PAPPA2: variants seen among roughly 807,000 people sequenced by gnomAD.
The protein encoded by PAPPA2 is pappalysin 2.
Under a neutral mutation model 176.4 loss-of-function variants are expected in PAPPA2, and 86 were observed. The observed-to-expected ratio is 0.49, with a 90% CI of 0.41 to 0.58. The LOEUF (loss-of-function observed/expected upper bound fraction) is 0.58. Ranked by LOEUF, PAPPA2 falls within the 20% of genes least tolerant of loss-of-function variation. PAPPA2 has a pLI of 0.00. For synonymous variants in PAPPA2, 809 were observed against 852.2 expected (o/e 0.95, Z 0.88); for missense variants, 2,073 against 2,256.9 (o/e 0.92, Z 1.65).
chr1:176,743,801 C>T (rs941353095), intron 14 of PAPPA2, among the ~76,000 whole-genome samples: 4 of 152,144 alleles, frequency 2.6e-5, no homozygotes, highest in East Asian at 1.9e-4. Context: ...TTTCTCCTAT[C>T]GAATTTTGTT....
At chr1:176,648,568 T>A (rs1274382411) in intron 3 of PAPPA2, among the ~76,000 whole-genome samples, 1 of 151,576 alleles carries the variant, frequency 6.6e-6, no homozygotes, top group African/African-American at 2.4e-5. Context: ...TAGCTGTGAG[T>A]TTATCATATA....
intron 1 of PAPPA2, among the ~76,000 whole-genome samples, chr1:176,522,630 T>C (rs1649273592): frequency 6.6e-6 from 1 of 152,068 alleles, no homozygotes; most frequent in Non-Finnish European, 1.5e-5. Context: ...CCCAGTGCTG[T>C]TCTCTCTCTC....
intron 1 of PAPPA2, among the ~76,000 whole-genome samples, chr1:176,467,431 G>A (rs1651677423): frequency 6.6e-6 from 1 of 152,336 alleles, no homozygotes; most frequent in South Asian, 2.1e-4. Context: ...ACAGAGAATA[G>A]CACTTGCCTT....
chr1:176,800,001 T>G (rs1665607094), intron 20 of PAPPA2, 60 bp from the exon 21 acceptor site: 1 of 1,578,180 alleles, frequency 6.3e-7, no homozygotes, highest in Admixed American at 1.7e-5. Flanking sequence ...GATTTGCCCC[T>G]TCTCACACAC....
intron 3 of PAPPA2, among the ~76,000 whole-genome samples, chr1:176,650,259 C>A (rs1342188876): frequency 1.3e-5 from 2 of 150,804 alleles, no homozygotes; most frequent in East Asian, 3.9e-4. Context: ...CTTTTCTTAC[C>A]CCTTCAGTTT....
At chr1:176,599,877 A>G (rs1207257710) in intron 3 of PAPPA2, among the ~76,000 whole-genome samples, 3 of 152,082 alleles carry the variant, frequency 2.0e-5, no homozygotes, top group Non-Finnish European at 2.9e-5. Flanking sequence ...TTCTCTTTTG[A>G]AAAAAGAAAT....
intron 1 of PAPPA2, among the ~76,000 whole-genome samples, chr1:176,518,325 C>T (rs946283317): frequency 6.6e-5 from 10 of 151,862 alleles, no homozygotes; most frequent in Admixed American, 5.3e-4. Flanking sequence ...AAAGCATCCA[C>T]GTCCCAAGCC....
Position 176,535,046 on chromosome 1 carries a change from G to A in PAPPA2, c.-916-20361G>A, listed in dbSNP as rs558671832. 1.1e-3 allele frequency among the ~76,000 whole-genome samples: 171 copies of A among 152,300 alleles called. 2 individuals carry two copies. Among genetic ancestry groups the A allele is most frequent in the African/African-American group, 3.9e-3 (160 of 41,552 alleles). The stretch of plus-strand genomic sequence containing the variant: ...GAGAACCAGAGGGAGACTGTAGAAG[G>A]TTGCAATACAAAATAGAGAGTGCCA... On this transcript the variant is annotated intron_variant, in intron 1 of 22. Transcript: ENST00000367662.
intron 11 of PAPPA2, 52 bp from the exon 12 acceptor site, chr1:176,711,783 C>T: frequency 6.5e-6 from 10 of 1,549,186 alleles, no homozygotes; most frequent in Non-Finnish European, 6.2e-6. Context: ...ATTGTCCTTA[C>T]TTATATCTTC....
chr1:176,470,258 A>G (rs1254823610), intron 1 of PAPPA2, among the ~76,000 whole-genome samples: 1 of 152,198 alleles, frequency 6.6e-6, no homozygotes, highest in Non-Finnish European at 1.5e-5. Flanking sequence ...GAGAATAAGC[A>G]ACTTGGGCTA....
chr1:176,676,735 C>T (rs888920357), intron 4 of PAPPA2, among the ~76,000 whole-genome samples: 8 of 85,420 alleles, frequency 9.4e-5, no homozygotes, highest in African/African-American at 3.7e-4. Context: ...TACAACTACA[C>T]ACACACACAC....
chr1:176,660,954 C>T (rs1297025676), intron 3 of PAPPA2, among the ~76,000 whole-genome samples: 1 of 152,038 alleles, frequency 6.6e-6, no homozygotes, highest in Non-Finnish European at 1.5e-5. Context: ...CAGTCTTTAG[C>T]CTCCTTACAC....
intron 1 of PAPPA2, among the ~76,000 whole-genome samples, chr1:176,500,366 G>T (rs764539164): frequency 6.6e-6 from 1 of 151,402 alleles, no homozygotes; most frequent in African/African-American, 2.4e-5. Context: ...ATATGGAAAG[G>T]CACCAGAAGA....
In PAPPA2 at chr1:176,532,823, G is replaced by A. The variant is rs544179485; in HGVS notation, c.-916-22584G>A. Among the ~76,000 whole-genome samples, 8 of 152,160 alleles carry A rather than the reference G, an allele frequency of 5.3e-5. No individual in the cohort carries two copies. The East Asian group carries it at 1.4e-3, about 26-fold the overall frequency. ...TCCCTAGATCCACCTCTGCCTCTGT[G>A]TCTGTCTCCATCTCTGATGCTCAGC... On this transcript the variant is annotated intron_variant, in intron 1 of 22. Coordinates refer to ENST00000367662, the MANE Select transcript of PAPPA2 (RefSeq NM_020318.3).
At chr1:176,685,858 A>T (rs998042884) in intron 4 of PAPPA2, among the ~76,000 whole-genome samples, 2 of 152,244 alleles carry the variant, frequency 1.3e-5, no homozygotes, top group African/African-American at 4.8e-5. Context: ...CAGCTTTGGC[A>T]TGAGTACATG....
intron 22 of PAPPA2, among the ~76,000 whole-genome samples, chr1:176,841,241 T>G (rs1194319743): frequency 1.3e-5 from 2 of 151,948 alleles, no homozygotes; most frequent in Non-Finnish European, 2.9e-5. Flanking sequence ...ACAAGATAAC[T>G]TAGGAAAAAA....
intron 21 of PAPPA2, among the ~76,000 whole-genome samples, chr1:176,817,970 T>C (rs1666474231): frequency 6.6e-6 from 1 of 151,644 alleles, no homozygotes; most frequent in African/African-American, 2.4e-5. Context: ...GGGAAAGACA[T>C]AGAGGCAGGA....
At chr1:176,779,077 T>C (rs1298531345) in intron 17 of PAPPA2, among the ~76,000 whole-genome samples, 1 of 152,220 alleles carries the variant, frequency 6.6e-6, no homozygotes, top group African/African-American at 2.4e-5. Flanking sequence ...TAAATTTCCC[T>C]ATTAACTTCA....
At chr1:176,648,287 T>A in intron 3 of PAPPA2, among the ~76,000 whole-genome samples, 1 of 151,620 alleles carries the variant, frequency 6.6e-6, no homozygotes, top group Admixed American at 6.6e-5. Flanking sequence ...GTGGATTTTG[T>A]ATCCTGCAAC....
Sources: allele counts gnomAD v4.1 joint callset (sites outside exome capture counted in the v4.1 genomes callset), GRCh38; gene constraint gnomAD v4.1.1; transcripts MANE v1.5; gene names NCBI Gene and HGNC (gene_info 2026-07-23, HGNC 2026-07-21).